ELMOD1: variants seen among roughly 807,000 people sequenced by gnomAD.
ELMOD1 encodes the protein ELMO domain-containing protein 1.
In ELMOD1, 21 loss-of-function variants were observed where a neutral mutation model predicts 46.7. The observed-to-expected ratio is 0.45, with a 90% CI of 0.32 to 0.65. ELMOD1 has a LOEUF of 0.65. Among genes scored for constraint, ELMOD1 ranks in the 30% least tolerant of loss-of-function variants. The pLI is 0.04. For missense variants in ELMOD1, 348 were observed against 407.8 expected (o/e 0.85, Z 1.26); for synonymous variants, 122 against 138.2 (o/e 0.88, Z 0.82).
chr11:107,665,022 C>T lies in ELMOD1; in HGVS notation c.833-3C>T. 1 of 1,611,060 alleles carries T rather than the reference C, an allele frequency of 6.2e-7. No homozygotes were observed. Among genetic ancestry groups the T allele is most frequent in the Non-Finnish European group, 8.5e-7 (1 of 1,178,272 alleles). On this transcript the variant is annotated splice_region_variant and splice_polypyrimidine_tract_variant and intron_variant, in intron 11 of 11. Transcript: ENST00000265840. Reference sequence around the variant, plus strand: ...ATTCTTATCATTGTATTGTCTCCAACAGGCTATTTGATGCATGAATTTCAT... The same window carrying T: ...ATTCTTATCATTGTATTGTCTCCAATAGGCTATTTGATGCATGAATTTCAT...
intron 7 of ELMOD1, 37 bp downstream of exon 7, chr11:107,647,638 T>C: frequency 6.3e-7 from 1 of 1,598,644 alleles, no homozygotes; most frequent in Non-Finnish European, 8.5e-7. Context: ...GTTCGAGTGA[T>C]GTTTTGGTCT....
At chr11:107,650,627 G>A (rs1161093217) in intron 8 of ELMOD1, among the ~76,000 whole-genome samples, 3 of 152,112 alleles carry the variant, frequency 2.0e-5, no homozygotes, top group Non-Finnish European at 4.4e-5. Context: ...GTATTTAAAG[G>A]GACTGATAGA....
At chr11:107,605,784 G>A (rs915755365) in intron 1 of ELMOD1, among the ~76,000 whole-genome samples, 80 of 152,256 alleles carry the variant, frequency 5.3e-4, no homozygotes, top group African/African-American at 1.8e-3. Flanking sequence ...TAGTCACTGG[G>A]AGAGGAAAGG....
At chr11:107,655,000 A>G (rs184689670) in intron 10 of ELMOD1, among the ~76,000 whole-genome samples, 1 of 152,296 alleles carries the variant, frequency 6.6e-6, no homozygotes, top group Admixed American at 6.5e-5. Context: ...GAACTAGAAA[A>G]TATACACTGT....
chr11:107,644,084 C>T (rs1866374163), intron 6 of ELMOD1, among the ~76,000 whole-genome samples: 1 of 151,770 alleles, frequency 6.6e-6, no homozygotes, highest in Non-Finnish European at 1.5e-5. Flanking sequence ...ACCAGCCTGG[C>T]CAACATGGCG....
intron 9 of ELMOD1, chr11:107,653,946 C>A: frequency 2.0e-6 from 1 of 510,828 alleles, no homozygotes; most frequent in South Asian, 3.2e-5. Context: ...GCCTTTAGGG[C>A]TGTCTCCCAT....
chr11:107,623,116 C>G (rs1156392039), intron 2 of ELMOD1, among the ~76,000 whole-genome samples: 1 of 151,866 alleles, frequency 6.6e-6, no homozygotes, highest in African/African-American at 2.4e-5. Context: ...CTAATGCTAT[C>G]CCTCCCCGAT....
In ELMOD1 at chr11:107,599,453, G is replaced by C. The variant is rs116994136; in HGVS notation, c.-86+8044G>C. On this transcript the variant is annotated intron_variant, in intron 1 of 11. Transcript: ENST00000265840. ...AGCTCAATAAATAATTATTTTAAAG[G>C]TGCTTCTGCCAGGTGCGGTGGCTCA... Among the ~76,000 whole-genome samples, 164 of 151,768 alleles carry C rather than the reference G, an allele frequency of 1.1e-3. 2 individuals are homozygous for C. In the East Asian group the frequency reaches 0.029, roughly 27 times the overall value.
chr11:107,599,221 A>T (rs1865545811), intron 1 of ELMOD1, among the ~76,000 whole-genome samples: 1 of 152,174 alleles, frequency 6.6e-6, no homozygotes, highest in African/African-American at 2.4e-5. Context: ...ATAAGAAAGG[A>T]TACTTTTCAG....
chr11:107,610,466 C>A (rs1865756462), intron 1 of ELMOD1, among the ~76,000 whole-genome samples: 1 of 151,968 alleles, frequency 6.6e-6, no homozygotes, highest in East Asian at 1.9e-4. Flanking sequence ...GAGTTCGAGA[C>A]CAGCCTGGCC....
chr11:107,662,866 G>T (rs890154296), intron 11 of ELMOD1, among the ~76,000 whole-genome samples: 2 of 151,978 alleles, frequency 1.3e-5, no homozygotes, highest in African/African-American at 4.8e-5. Flanking sequence ...GCTCCAGCCT[G>T]GGCAACAGAG....
chr11:107,652,784 T>C (rs1233500232), intron 9 of ELMOD1, among the ~76,000 whole-genome samples: 2 of 152,226 alleles, frequency 1.3e-5, no homozygotes, highest in East Asian at 3.8e-4. Context: ...TTTTGAATTA[T>C]AGCCATTTAT....
chr11:107,643,750 CTTATG>C (rs938138047), intron 6 of ELMOD1: 15 of 483,340 alleles, frequency 3.1e-5, no homozygotes, highest in Admixed American at 1.8e-4. Context: ...AATCTTGACT[CTTATG>C]TTCTGTTGCG....
chr11:107,640,601 T>G (rs1565383979), intron 6 of ELMOD1, among the ~76,000 whole-genome samples: 1 of 152,158 alleles, frequency 6.6e-6, no homozygotes, highest in Non-Finnish European at 1.5e-5. Context: ...AAAAAAAAAT[T>G]AAGTTGAATA....
In ELMOD1 at chr11:107,662,624, C is replaced by A. The variant is rs1228405473; in HGVS notation, c.833-2401C>A. On this transcript the variant is annotated intron_variant, in intron 11 of 11. Coordinates refer to ENST00000265840, the MANE Select transcript of ELMOD1 (RefSeq NM_018712.4). The stretch of plus-strand genomic sequence containing the variant: ...AAACTCTGTCTCAAAAAAAAAACAA[C>A]AAAAAAAAACTTTTTGTAAGCCAGG... Among the ~76,000 whole-genome samples, 90 of 144,324 alleles carry A rather than the reference C, an allele frequency of 6.2e-4. 1 individual carries two copies. The highest frequency in any genetic ancestry group is 1.2e-3 in the African/African-American group (44 of 38,094). 94.7% of individuals were successfully genotyped at this position (144,324 alleles called of 152,430 possible).
chr11:107,622,708 G>T (rs1163458695), intron 2 of ELMOD1, among the ~76,000 whole-genome samples: 7 of 152,186 alleles, frequency 4.6e-5, no homozygotes, highest in Non-Finnish European at 7.4e-5. Context: ...AGAGCAGAAG[G>T]TGCAGGAACG....
intron 9 of ELMOD1, among the ~76,000 whole-genome samples, chr11:107,652,207 C>T (rs1050426124): frequency 1.3e-5 from 2 of 152,172 alleles, no homozygotes; most frequent in Admixed American, 6.5e-5. Context: ...ATGATATCAA[C>T]GTAGGTTCTG....
rs1199087142 is a variant in ELMOD1 at position 107,643,632 on chromosome 11, T to G, written c.421-3836T>G. 34 of 532,188 alleles carry G rather than the reference T, an allele frequency of 6.4e-5. No individual in the cohort carries two copies. The Admixed American group carries it at 6.6e-4, about 10-fold the overall frequency. 33.0% of individuals were successfully genotyped at this position (532,188 alleles called of 1,614,324 possible). Reference sequence around the variant, plus strand: ...TCTGGACGGCATTCAGTCTGAAGTTTGACAGCAAGTCCATTTAGCTCAAGG... The same window carrying G: ...TCTGGACGGCATTCAGTCTGAAGTTGGACAGCAAGTCCATTTAGCTCAAGG... On this transcript the variant is annotated intron_variant, in intron 6 of 11. Coordinates refer to ENST00000265840, the MANE Select transcript of ELMOD1 (RefSeq NM_018712.4).
chr11:107,653,428 AC>A (rs1474114176), intron 9 of ELMOD1: 2 of 152,230 alleles, frequency 1.3e-5, no homozygotes, highest in African/African-American at 4.8e-5. Context: ...AGCTGAAATT[AC>A]AAAACAAAGA....
Sources: allele counts gnomAD v4.1 joint callset (sites outside exome capture counted in the v4.1 genomes callset), GRCh38; gene constraint gnomAD v4.1.1; transcripts MANE v1.5; gene names NCBI Gene and HGNC (gene_info 2026-07-23, HGNC 2026-07-21).